The following PLXNA2 variants were observed in gnomAD, a reference collection of about 807,000 sequenced individuals.
PLXNA2 encodes plexin-A2.
PLXNA2 carries 91 observed loss-of-function variants against 193.5 expected under a neutral mutation model. The observed-to-expected ratio is 0.47, with a 90% CI of 0.40 to 0.56. PLXNA2 has a LOEUF of 0.56. Ranked by LOEUF, PLXNA2 falls within the 20% of genes least tolerant of loss-of-function variation. The pLI is 0.00. For missense variants in PLXNA2, 1,995 were observed against 2,503.2 expected (o/e 0.80, Z 4.33); for synonymous variants, 997 against 1,027.3 (o/e 0.97, Z 0.56).
At chr1:208,170,409 ACAGG>A (rs1269845378) in intron 3 of PLXNA2, among the ~76,000 whole-genome samples, 1 of 152,190 alleles carries the variant, frequency 6.6e-6, no homozygotes. Context: ...CTGGTGATTG[ACAGG>A]CAGGGGGAAG....
chr1:208,064,382 A>C (rs1665718080), intron 12 of PLXNA2, among the ~76,000 whole-genome samples: 1 of 152,186 alleles, frequency 6.6e-6, no homozygotes, highest in African/African-American at 2.4e-5. Context: ...CCTAATTCCT[A>C]AGGCTGGCCT....
At chr1:208,174,792 T>C (rs1227853340) in intron 3 of PLXNA2, among the ~76,000 whole-genome samples, 2 of 152,220 alleles carry the variant, frequency 1.3e-5, no homozygotes, top group Non-Finnish European at 2.9e-5. Flanking sequence ...CCTCCTCATG[T>C]GTTCCCCCCA....
chr1:208,102,917 C>A (rs1473499704), intron 5 of PLXNA2, among the ~76,000 whole-genome samples: 2 of 152,280 alleles, frequency 1.3e-5, no homozygotes, highest in East Asian at 3.9e-4. Flanking sequence ...AGCTGAAGGG[C>A]TGAATTTGGA....
At chr1:208,040,134 G>A in intron 22 of PLXNA2, 76 bp from the exon 23 acceptor site, 1 of 1,206,638 alleles carries the variant, frequency 8.3e-7, no homozygotes, top group Non-Finnish European at 1.2e-6. Flanking sequence ...TTGCCATGAG[G>A]TCTCCCAAGA....
rs1672139615 is a variant in PLXNA2 at position 208,243,725 on chromosome 1, C to T, written c.-163G>A. ...CCGGCTGCTGAGGGCGGCGCGAGGC[C>T]CCTCTCCCTGCCCGCAGCTCGGAAT... On this transcript the variant is annotated 5_prime_UTR_variant, in exon 1 of 32. Coordinates refer to ENST00000367033, the MANE Select transcript of PLXNA2 (RefSeq NM_025179.4). The T allele has an allele frequency of 6.6e-6, 1 of 152,270 alleles. No homozygotes were observed. Among genetic ancestry groups the T allele is most frequent in the Non-Finnish European group, 1.5e-5 (1 of 68,086 alleles). 9.4% of individuals were successfully genotyped at this position (152,270 alleles called of 1,614,324 possible).
intron 9 of PLXNA2, among the ~76,000 whole-genome samples, chr1:208,084,859 G>A (rs1280817613): frequency 6.6e-6 from 1 of 152,186 alleles, no homozygotes; most frequent in Non-Finnish European, 1.5e-5. Flanking sequence ...TTTATCTCCT[G>A]AGACACTGGA....
chr1:208,234,043 AAG>A (rs879323841), intron 1 of PLXNA2, among the ~76,000 whole-genome samples: 1 of 152,078 alleles, frequency 6.6e-6, no homozygotes, highest in Non-Finnish European at 1.5e-5. Context: ...TAAACCAAGG[AAG>A]AGAGAGATGG....
intron 3 of PLXNA2, among the ~76,000 whole-genome samples, chr1:208,190,000 G>C (rs1670127177): frequency 6.6e-6 from 1 of 152,166 alleles, no homozygotes; most frequent in African/African-American, 2.4e-5. Flanking sequence ...AACATTTTGG[G>C]GTGGGGGAAG....
chr1:208,060,191 G>A (rs1174046821), intron 13 of PLXNA2, among the ~76,000 whole-genome samples: 1 of 152,126 alleles, frequency 6.6e-6, no homozygotes, highest in South Asian at 2.1e-4. Flanking sequence ...CTGGAGCCCC[G>A]TTTGCCTGTC....
chr1:208,109,021 T>C (rs1392823960), intron 4 of PLXNA2, among the ~76,000 whole-genome samples: 1 of 152,210 alleles, frequency 6.6e-6, no homozygotes, highest in East Asian at 1.9e-4. Context: ...CCCTGGAATC[T>C]TCCCTGGAAT....
At chr1:208,056,364 G>A (rs898493425) in intron 13 of PLXNA2, among the ~76,000 whole-genome samples, 2 of 152,236 alleles carry the variant, frequency 1.3e-5, no homozygotes, top group East Asian at 3.8e-4. Flanking sequence ...CTCTGCTGGA[G>A]TGATCTTAGA....
rs992106688 is a variant in PLXNA2 at position 208,025,218 on chromosome 1, G to A, written c.*2025C>T. 3 of 152,636 alleles carry A rather than the reference G, an allele frequency of 2.0e-5. No individual in the cohort carries two copies. Among genetic ancestry groups the A allele is most frequent in the Admixed American group, 6.5e-5 (1 of 15,288 alleles). The allele number at this position is 152,636 out of a possible 1,614,324, so 9.5% of individuals were successfully genotyped here. A position where few individuals can be genotyped will look rare whatever the true frequency, so the allele number is the denominator to read the frequency against. Reference sequence around the variant, plus strand: ...ACTAGAGCTGGGGAGACCGGGCAACGTCTGCTGTGTGGTTAGACAGCGATC... The same window carrying A: ...ACTAGAGCTGGGGAGACCGGGCAACATCTGCTGTGTGGTTAGACAGCGATC... On this transcript the variant is annotated 3_prime_UTR_variant, in exon 32 of 32. Coordinates refer to ENST00000367033, the MANE Select transcript of PLXNA2 (RefSeq NM_025179.4).
intron 4 of PLXNA2, among the ~76,000 whole-genome samples, chr1:208,129,744 A>C (rs573133824): frequency 6.6e-6 from 1 of 152,182 alleles, no homozygotes; most frequent in Admixed American, 6.5e-5. Context: ...AGCACTCTGC[A>C]TACTGTATTG....
intron 3 of PLXNA2, among the ~76,000 whole-genome samples, chr1:208,168,724 G>GTTTTT (rs10668701): frequency 3.7e-4 from 27 of 73,194 alleles, no homozygotes; most frequent in South Asian, 3.6e-3. Flanking sequence ...AGTATGCGGG[G>GTTTTT]TTTTTTTTTT....
In PLXNA2 at chr1:208,052,442, T is replaced by C. The variant is rs1370813400; in HGVS notation, c.2878A>G (p.Asn960Asp). 1.9e-6 allele frequency: 3 copies of C among 1,614,148 alleles called. No homozygotes were observed. The African/African-American group carries it at 4.0e-5, about 22-fold the overall frequency. Residue 960 changes from asparagine to aspartate, a missense_variant, in exon 15 of 32, where the codon AAC becomes GAC. Coordinates refer to ENST00000367033, the MANE Select transcript of PLXNA2 (RefSeq NM_025179.4). ...TFVNPSVLSLNPIRGPESGGT... is the reference protein window; with the variant it reads ...TFVNPSVLSLDPIRGPESGGT... ...CCTGACTCGGGACCTCGGATTGGGT[T>C]GAGTGACAGCACAGAAGGGTTCTTT...
At chr1:208,228,898 A>G (rs1476230883) in intron 1 of PLXNA2, among the ~76,000 whole-genome samples, 2 of 152,128 alleles carry the variant, frequency 1.3e-5, no homozygotes, top group Non-Finnish European at 2.9e-5. Context: ...TCCAAAGTCA[A>G]TTAAAAACTG....
chr1:208,216,049 C>T (rs563519165), intron 2 of PLXNA2, among the ~76,000 whole-genome samples: 13 of 152,262 alleles, frequency 8.5e-5, no homozygotes, highest in South Asian at 8.3e-4. Context: ...ACCACAGTGG[C>T]CTACAGCTCT....
intron 29 of PLXNA2, chr1:208,030,737 G>A (rs1365519787): frequency 6.1e-6 from 6 of 985,284 alleles, no homozygotes; most frequent in Admixed American, 1.2e-4. Flanking sequence ...AGACAGCTGC[G>A]TGGGCTGCCT....
chr1:208,058,057 G>A (rs563803624), intron 13 of PLXNA2, among the ~76,000 whole-genome samples: 1 of 152,282 alleles, frequency 6.6e-6, no homozygotes, highest in African/African-American at 2.4e-5. Flanking sequence ...CAGTACCCTT[G>A]CCCCACACTA....
Sources: gnomAD v4.1 joint callset for allele counts (sites outside exome capture counted in the v4.1 genomes callset) on GRCh38, gnomAD v4.1.1 for gene constraint, MANE v1.5 for transcripts, NCBI Gene and HGNC (gene_info 2026-07-23, HGNC 2026-07-21) for gene names.